DNAJC15: variants seen among roughly 807,000 people sequenced by gnomAD.
DNAJC15 encodes the protein DnaJ heat shock protein family (Hsp40) member C15.
In DNAJC15, 27 loss-of-function variants were observed where a neutral mutation model predicts 22.4. That is an observed-to-expected ratio of 1.20 (90% confidence interval 0.89 to 1.66). The LOEUF (loss-of-function observed/expected upper bound fraction) is 1.66, where lower values mean the gene tolerates loss of function less well. Among genes scored for constraint, DNAJC15 ranks in the 40% most tolerant of loss-of-function variants. The probability of loss-of-function intolerance (pLI) is 0.00; values close to 1 mark genes in which losing one functional copy is unlikely to be tolerated. For synonymous variants in DNAJC15, 79 were observed against 63.2 expected, an observed-to-expected ratio of 1.25 and a Z score of -1.19; for missense variants, 208 against 187.1, an observed-to-expected ratio of 1.11 and a Z score of -0.65.
At chr13:43,061,735 G>A (rs2040560128) in intron 1 of DNAJC15, among the ~76,000 whole-genome samples, 1 of 152,222 alleles carries the variant, frequency 6.6e-6, no homozygotes, top group Admixed American at 6.5e-5. Flanking sequence ...ATCACCAAGG[G>A]AATGGCCCAA....
chr13:43,034,005 G>A (rs2040415655), intron 1 of DNAJC15, among the ~76,000 whole-genome samples: 1 of 145,680 alleles, frequency 6.9e-6, no homozygotes, highest in South Asian at 2.2e-4. Context: ...TCCAGCCTGG[G>A]CGACAAGAGT....
At chr13:43,027,887 C>A (rs2040387422) in intron 1 of DNAJC15, among the ~76,000 whole-genome samples, 1 of 152,138 alleles carries the variant, frequency 6.6e-6, no homozygotes, top group African/African-American at 2.4e-5. Flanking sequence ...AAACTCCTGA[C>A]CTCAAGCGAT....
At chr13:43,075,649 A>ACCAG (rs1032934480) in intron 3 of DNAJC15, among the ~76,000 whole-genome samples, 6 of 152,174 alleles carry the variant, frequency 3.9e-5, no homozygotes, top group Admixed American at 2.0e-4. Flanking sequence ...AAACCTTAAA[A>ACCAG]CCAGCCCCTA....
intron 4 of DNAJC15, among the ~76,000 whole-genome samples, chr13:43,085,459 A>G (rs1019623683): frequency 6.6e-6 from 1 of 152,130 alleles, no homozygotes; most frequent in South Asian, 2.1e-4. Flanking sequence ...ATAACTTAGA[A>G]GCATAAGTTT....
intron 1 of DNAJC15, among the ~76,000 whole-genome samples, chr13:43,033,523 A>G (rs1021787934): frequency 6.6e-5 from 10 of 152,130 alleles, no homozygotes; most frequent in African/African-American, 1.9e-4. Flanking sequence ...CAAGATCCCA[A>G]CCAGGTACCA....
intron 1 of DNAJC15, among the ~76,000 whole-genome samples, chr13:43,025,640 C>G (rs141856257): frequency 6.6e-6 from 1 of 152,176 alleles, no homozygotes; most frequent in Non-Finnish European, 1.5e-5. Context: ...AGCGGTGTCT[C>G]GCTCCTATAA....
At chr13:43,026,449 G>A (rs74060454) in intron 1 of DNAJC15, among the ~76,000 whole-genome samples, 6,538 of 152,180 alleles carry the variant, frequency 0.043, 372 homozygotes, top group East Asian at 0.14. Flanking sequence ...AGGGCCTCAC[G>A]TACTTTCAGA....
chr13:43,030,797 A>G (rs2040401039), intron 1 of DNAJC15, among the ~76,000 whole-genome samples: 1 of 152,222 alleles, frequency 6.6e-6, no homozygotes, highest in South Asian at 2.1e-4. Context: ...AGGGCCAAGC[A>G]CAGCACGGGG....
intron 1 of DNAJC15, among the ~76,000 whole-genome samples, chr13:43,046,591 A>C (rs1209069529): frequency 6.6e-6 from 1 of 152,186 alleles, no homozygotes; most frequent in East Asian, 1.9e-4. Context: ...CAAATCATAT[A>C]TCGCCTGAGA....
chr13:43,084,178 A>G (rs1255056096), intron 4 of DNAJC15, among the ~76,000 whole-genome samples: 1 of 152,216 alleles, frequency 6.6e-6, no homozygotes. Flanking sequence ...TTGAGAGTTT[A>G]ATTGGTAATA....
chr13:43,059,189 G>C (rs1031561303), intron 1 of DNAJC15, among the ~76,000 whole-genome samples: 1 of 151,912 alleles, frequency 6.6e-6, no homozygotes, highest in Non-Finnish European at 1.5e-5. Context: ...CAAGGCCTTT[G>C]TTTTTCCTTC....
intron 4 of DNAJC15, among the ~76,000 whole-genome samples, chr13:43,079,627 T>A (rs945623849): frequency 6.6e-5 from 10 of 152,300 alleles, no homozygotes; most frequent in African/African-American, 9.6e-5. Flanking sequence ...TTGCTTAATA[T>A]CATTCAGAAT....
rs562632739 is a variant in DNAJC15 at position 43,038,801 on chromosome 13, G to GAA, written c.108+15084_108+15085dup. Among the ~76,000 whole-genome samples the GAA allele has an allele frequency of 3.2e-3, 346 of 107,282 alleles. 17 individuals carry two copies. In the East Asian group the frequency reaches 0.085, roughly 26 times the overall value. The allele number at this position is 107,282 out of a possible 152,430, so 70.4% of individuals were successfully genotyped here. On this transcript the variant is annotated intron_variant, in intron 1 of 5. Transcript: ENST00000379221. Reference sequence around the variant, plus strand: ...AGCGAGACTCTGTCTCAAAAAATAGGAAAAAAAAAAAAAAAAAAGGAAAAT... The same window carrying GAA: ...AGCGAGACTCTGTCTCAAAAAATAGGAAAAAAAAAAAAAAAAAAAAGGAAAAT...
intron 1 of DNAJC15, among the ~76,000 whole-genome samples, chr13:43,059,719 G>A (rs2040548919): frequency 6.6e-6 from 1 of 152,236 alleles, no homozygotes; most frequent in Non-Finnish European, 1.5e-5. Flanking sequence ...CTTTGTGTGA[G>A]CAACATGGCT....
intron 1 of DNAJC15, among the ~76,000 whole-genome samples, chr13:43,040,034 A>AG (rs1459462576): frequency 9.4e-6 from 1 of 106,680 alleles, no homozygotes; most frequent in African/African-American, 3.8e-5. Context: ...AGAGAGAGAG[A>AG]AAAAGAAATA....
intron 1 of DNAJC15, among the ~76,000 whole-genome samples, chr13:43,028,564 A>G (rs1385650339): frequency 6.6e-6 from 1 of 152,216 alleles, no homozygotes; most frequent in African/African-American, 2.4e-5. Context: ...TGAGTTTAAC[A>G]TGATCTAAAC....
At chr13:43,065,015 C>A (rs1463966260) in intron 1 of DNAJC15, among the ~76,000 whole-genome samples, 1 of 150,912 alleles carries the variant, frequency 6.6e-6, no homozygotes, top group Non-Finnish European at 1.5e-5. Context: ...TACCATTGAT[C>A]CTTGCCACAT....
At chr13:43,057,461 T>C (rs1168088424) in intron 1 of DNAJC15, among the ~76,000 whole-genome samples, 3 of 152,334 alleles carry the variant, frequency 2.0e-5, no homozygotes, top group Admixed American at 6.5e-5. Flanking sequence ...GATTGTTTTT[T>C]CTTTATGGTA....
chr13:43,071,451 T>C (rs1222322666), intron 3 of DNAJC15, among the ~76,000 whole-genome samples: 4 of 147,502 alleles, frequency 2.7e-5, no homozygotes, highest in Non-Finnish European at 5.9e-5. Context: ...GTAAAACATC[T>C]TAGAATATCT....
Sources: allele counts gnomAD v4.1 joint callset (sites outside exome capture counted in the v4.1 genomes callset), GRCh38; gene constraint gnomAD v4.1.1; transcripts MANE v1.5; gene names NCBI Gene and HGNC (gene_info 2026-07-23, HGNC 2026-07-21).